ADAMTS19: variants seen among roughly 807,000 people sequenced by gnomAD.
ADAMTS19 encodes A disintegrin and metalloproteinase with thrombospondin motifs 19.
In ADAMTS19, 93 loss-of-function variants were observed where a neutral mutation model predicts 153.3. The ratio of observed to expected loss-of-function variants is 0.61; its 90% CI spans 0.51 to 0.72. The LOEUF is 0.72. Among genes scored for constraint, ADAMTS19 ranks in the 30% least tolerant of loss-of-function variants. The pLI is 0.00. For synonymous variants in ADAMTS19, 600 were observed against 556.6 expected (o/e 1.08, Z -1.10); for missense variants, 1,482 against 1,552.1 (o/e 0.95, Z 0.76).
chr5:129,674,233 A>G (rs1581213306), intron 16 of ADAMTS19, among the ~76,000 whole-genome samples: 1 of 12,374 alleles, frequency 8.1e-5, no homozygotes, highest in Non-Finnish European at 3.7e-4. Flanking sequence ...CTCCATCTCA[A>G]AAAAAAAAAA....
intron 19 of ADAMTS19, among the ~76,000 whole-genome samples, chr5:129,700,021 A>G (rs931617482): frequency 6.6e-6 from 1 of 152,200 alleles, no homozygotes; most frequent in Non-Finnish European, 1.5e-5. Flanking sequence ...TGACTGCTCT[A>G]TATTGTGCTG....
chr5:129,629,644 T>G (rs879778186), intron 10 of ADAMTS19, among the ~76,000 whole-genome samples: 12 of 152,036 alleles, frequency 7.9e-5, no homozygotes, highest in Non-Finnish European at 1.5e-4. Flanking sequence ...GGCACAGATG[T>G]AGAGATTCTG....
At chr5:129,635,562 A>G (rs1752496879) in intron 10 of ADAMTS19, among the ~76,000 whole-genome samples, 1 of 152,220 alleles carries the variant, frequency 6.6e-6, no homozygotes, top group Non-Finnish European at 1.5e-5. Flanking sequence ...ACATCATGGA[A>G]TACTATGCAG....
chr5:129,665,536 A>T lies in ADAMTS19; in HGVS notation c.2463A>T (p.Arg821Ser), dbSNP rs1248174590. 1 of 1,610,882 alleles carries T rather than the reference A, an allele frequency of 6.2e-7. No individual in the cohort carries two copies. Among genetic ancestry groups the T allele is most frequent in the Middle Eastern group, 1.7e-4 (1 of 6,040 alleles). ...TGCTGGTGATACCTGCTGGAGCAAGAAGAATCAAAGTTGTGGAGGAAAAGC... is the reference window on the plus strand; with the variant it reads ...TGCTGGTGATACCTGCTGGAGCAAGTAGAATCAAAGTTGTGGAGGAAAAGC... Reference protein sequence around the residue: ...VEVLVIPAGARRIKVVEEKPA... With the variant: ...VEVLVIPAGASRIKVVEEKPA... The change falls in exon 16 of 23, where the codon AGA (arginine) becomes AGT (serine). Residue 821 changes from arginine (R) to serine (S), a missense_variant. Physicochemically the swap from Arg to Ser is moderately radical, Grantham distance 110. Around this residue, in one of 2 missense-constraint regions of ADAMTS19, gnomAD observed 616 missense variants for 724.4 expected, o/e 0.85. Coordinates refer to ENST00000274487, the MANE Select transcript of ADAMTS19 (RefSeq NM_133638.6).
At chr5:129,478,318 T>C (rs1013688757) in intron 2 of ADAMTS19, among the ~76,000 whole-genome samples, 3 of 152,178 alleles carry the variant, frequency 2.0e-5, no homozygotes, top group Non-Finnish European at 2.9e-5. Flanking sequence ...ACAAATCTGG[T>C]TTGCACATGC....
At chr5:129,680,393 A>G (rs1324209946) in intron 17 of ADAMTS19, among the ~76,000 whole-genome samples, 1 of 152,152 alleles carries the variant, frequency 6.6e-6, no homozygotes, top group Non-Finnish European at 1.5e-5. Flanking sequence ...CCTGTTTGTT[A>G]TTAATGGATT....
At chr5:129,482,819 C>G (rs373342556) in intron 2 of ADAMTS19, among the ~76,000 whole-genome samples, 21 of 152,186 alleles carry the variant, frequency 1.4e-4, no homozygotes, top group African/African-American at 4.8e-4. Flanking sequence ...ATGCTCAGTC[C>G]CATGTCACAT....
intron 15 of ADAMTS19, among the ~76,000 whole-genome samples, chr5:129,663,834 A>T (rs1050366659): frequency 9.9e-5 from 15 of 152,180 alleles, no homozygotes; most frequent in African/African-American, 3.6e-4. Flanking sequence ...AACTCTCTTT[A>T]ATAGAGCCAC....
intron 16 of ADAMTS19, among the ~76,000 whole-genome samples, chr5:129,666,010 A>T (rs1187724879): frequency 6.6e-6 from 1 of 150,714 alleles, no homozygotes; most frequent in Admixed American, 6.6e-5. Flanking sequence ...TCGTTTCGTC[A>T]GGAAATCTTG....
intron 8 of ADAMTS19, among the ~76,000 whole-genome samples, chr5:129,605,569 C>G (rs1371613469): frequency 1.3e-5 from 2 of 152,116 alleles, no homozygotes; most frequent in African/African-American, 4.8e-5. Context: ...GGCCTTATTC[C>G]CCTTTGCCTT....
At chr5:129,594,021 A>C (rs1168202943) in intron 7 of ADAMTS19, among the ~76,000 whole-genome samples, 1 of 152,170 alleles carries the variant, frequency 6.6e-6, no homozygotes, top group African/African-American at 2.4e-5. Flanking sequence ...TATTTCCCTA[A>C]GTTAGTAAGG....
chr5:129,550,874 GA>G (rs1168212752), intron 6 of ADAMTS19, among the ~76,000 whole-genome samples: 1 of 151,556 alleles, frequency 6.6e-6, no homozygotes, highest in East Asian at 1.9e-4. Flanking sequence ...TTATTGCTAA[GA>G]AGTTGCTTAT....
rs1234664143 is a variant in ADAMTS19, at chr5:129,461,477, C to G, written c.467C>G (p.Pro156Arg). 6.1e-6 allele frequency: 9 copies of G among 1,476,162 alleles called. No individual in the cohort carries two copies. Among genetic ancestry groups the G allele is most frequent in the Middle Eastern group, 2.2e-4 (1 of 4,592 alleles). The allele number at this position is 1,476,162 out of a possible 1,614,324, so 91.4% of individuals were successfully genotyped here. A position where few individuals can be genotyped will look rare whatever the true frequency, so the allele number is the denominator to read the frequency against. Residue 156 changes from proline (P) to arginine (R), a missense_variant, in exon 2 of 23, where the codon CCG becomes CGG. By Grantham distance (103) the Pro-to-Arg change is moderately radical. Transcript: ENST00000274487. The surrounding 1 kb of genome is among the most constrained non-coding windows in gnomAD (Gnocchi z 4.6). ...CCGCCGCCTCCCCCGCAGCCGCCCC[C>G]GTCCCCGCCCCCGGCCCAGCATGCC... Reference protein sequence around the residue: ...WQPPPPPQPPPSPPPAQHAEP... With the variant: ...WQPPPPPQPPRSPPPAQHAEP...
At chr5:129,723,028 A>G (rs937715645) in intron 21 of ADAMTS19, among the ~76,000 whole-genome samples, 1 of 152,090 alleles carries the variant, frequency 6.6e-6, no homozygotes, top group African/African-American at 2.4e-5. Context: ...GTTTAGGCCA[A>G]TCCATAAATT....
At chr5:129,498,797 T>TC (rs1343254134) in intron 2 of ADAMTS19, among the ~76,000 whole-genome samples, 1 of 136,014 alleles carries the variant, frequency 7.4e-6, no homozygotes, top group African/African-American at 2.9e-5. Flanking sequence ...GCATTCACTC[T>TC]ATTTTTTTTT....
At chr5:129,485,059 T>A (rs1440286440) in intron 2 of ADAMTS19, among the ~76,000 whole-genome samples, 2 of 152,172 alleles carry the variant, frequency 1.3e-5, no homozygotes, top group Non-Finnish European at 2.9e-5. Context: ...AAATTTTATA[T>A]CTATTACACA....
chr5:129,520,657 T>C (rs1751768485), intron 3 of ADAMTS19, among the ~76,000 whole-genome samples: 1 of 152,156 alleles, frequency 6.6e-6, no homozygotes, highest in African/African-American at 2.4e-5. Context: ...TTCCACCAGA[T>C]ATTTTGCTAT....
intron 11 of ADAMTS19, among the ~76,000 whole-genome samples, chr5:129,643,382 A>AAAAG (rs1752906231): frequency 2.8e-5 from 4 of 142,772 alleles, no homozygotes; most frequent in East Asian, 2.1e-4. Flanking sequence ...AAAAAAAAAA[A>AAAAG]AAAAGAAAAA....
rs3980042 is a variant in ADAMTS19 at position 129,461,622 on chromosome 5, T to TCCCGGC, written c.622_627dup (p.Gly208_Pro209dup). The TCCCGGC allele has an allele frequency of 0.12, 196,014 of 1,591,100 alleles. 13,514 individuals carry two copies. The highest frequency in any genetic ancestry group is 0.33 in the East Asian group (14,129 of 43,374). On this transcript the variant is annotated inframe_insertion, in exon 2 of 23. Coordinates refer to ENST00000274487, the MANE Select transcript of ADAMTS19 (RefSeq NM_133638.6). This position sits in a 1 kb window ranked among gnomAD's most constrained non-coding sequence, Gnocchi z 4.6. ...GCTTCGCAGTGGAACAGCGGCCAAA[T>TCCCGGC]CCCGGCCCCGGCCCCACGGGGGCAG...
Sources: allele counts gnomAD v4.1 joint callset (sites outside exome capture counted in the v4.1 genomes callset), GRCh38; gene constraint gnomAD v4.1.1; regional missense constraint gnomAD v4.1.1; non-coding constraint Gnocchi (gnomAD v3.1); transcripts MANE v1.5; gene names NCBI Gene and HGNC (gene_info 2026-07-23, HGNC 2026-07-21).